The following HYDIN variants were observed in gnomAD, a reference collection of about 807,000 sequenced individuals.
HYDIN encodes the protein HYDIN axonemal central pair apparatus protein, also known as axonemal central pair apparatus protein HYDIN.
Under a neutral mutation model 403.9 loss-of-function variants are expected in HYDIN, and 132 were observed. The ratio of observed to expected loss-of-function variants is 0.33; its 90% CI spans 0.28 to 0.38. HYDIN has a LOEUF of 0.38. Among genes scored for constraint, HYDIN ranks in the 10% least tolerant of loss-of-function variants. The pLI is 1.00. For missense variants in HYDIN, 2,827 were observed against 5,009.5 expected, an observed-to-expected ratio of 0.56 and a Z score of 13.15; for synonymous variants, 1,202 against 1,891.7, an observed-to-expected ratio of 0.64 and a Z score of 9.46.
At chr16:71,190,343 G>GCA (rs2087370189) in intron 1 of HYDIN, among the ~76,000 whole-genome samples, 2 of 74,622 alleles carry the variant, frequency 2.7e-5, no homozygotes, top group East Asian at 4.8e-4. Flanking sequence ...GACAATTTGA[G>GCA]CATAAAAAAA....
At chr16:71,089,102 G>A (rs1217273860) in intron 11 of HYDIN, among the ~76,000 whole-genome samples, 1 of 146,228 alleles carries the variant, frequency 6.8e-6, no homozygotes, top group Non-Finnish European at 1.5e-5. Context: ...TGATTGTTTT[G>A]AGATTCTTAT....
At chr16:70,830,818 C>T (rs1475986342) in intron 80 of HYDIN, among the ~76,000 whole-genome samples, 4 of 152,002 alleles carry the variant, frequency 2.6e-5, no homozygotes, top group South Asian at 2.1e-4. Context: ...AGTGAGAGAT[C>T]GGGAGCTCAG....
In HYDIN at chr16:70,921,205, T is replaced by C. The variant is rs561194675; in HGVS notation, c.7171A>G (p.Thr2391Ala). ...GTCTCCATCTTGACATCCACTTTGG[T>C]GAGCGGAGGAACCTAGAAGGCATGA... ...QAANKQVPPL[T>A]KVDVKMETIE... Residue 2391 changes from threonine (T) to alanine (A), a missense_variant, in exon 46 of 86, where the codon ACC (threonine) becomes GCC (alanine). Transcript: ENST00000393567. 6.9e-7 allele frequency: 1 copy of C among 1,449,048 alleles called. No homozygotes were observed. The highest frequency in any genetic ancestry group is 2.3e-5 in the East Asian group (1 of 43,942). 89.8% of individuals were successfully genotyped at this position (1,449,048 alleles called of 1,614,324 possible). A position where few individuals can be genotyped will look rare whatever the true frequency, so the allele number is the denominator to read the frequency against.
intron 8 of HYDIN, among the ~76,000 whole-genome samples, chr16:71,135,794 T>G (rs1264894001): frequency 6.8e-6 from 1 of 147,186 alleles, no homozygotes; most frequent in Non-Finnish European, 1.5e-5. Context: ...GTGGTTTTTC[T>G]TTCCTCATTT....
At chr16:70,893,739 G>A (rs2041613666) in intron 55 of HYDIN, 1 of 151,200 alleles carries the variant, frequency 6.6e-6, no homozygotes, top group Non-Finnish European at 1.5e-5. Context: ...TGCTCAGGCT[G>A]GTCTCCAACT....
intron 84 of HYDIN, among the ~76,000 whole-genome samples, chr16:70,817,728 T>C (rs571569250): frequency 3.9e-5 from 6 of 152,080 alleles, no homozygotes; most frequent in East Asian, 1.9e-4. Context: ...TTCTATACTA[T>C]TTTATTTTAT....
At chr16:70,938,299 G>A (rs2077559065) in intron 44 of HYDIN, among the ~76,000 whole-genome samples, 1 of 152,236 alleles carries the variant, frequency 6.6e-6, no homozygotes, top group Non-Finnish European at 1.5e-5. Context: ...CTGGTCAGGG[G>A]GGGCCAGCAG....
intron 13 of HYDIN, among the ~76,000 whole-genome samples, chr16:71,076,587 A>G (rs926259015): frequency 7.7e-5 from 5 of 64,672 alleles, no homozygotes; most frequent in African/African-American, 1.1e-4. Context: ...AATTTTCTTC[A>G]CAAAAAATAT....
chr16:70,940,371 G>T (rs1190540954), intron 43 of HYDIN, among the ~76,000 whole-genome samples: 3 of 151,900 alleles, frequency 2.0e-5, no homozygotes, highest in Non-Finnish European at 2.9e-5. Context: ...TCACAGATAA[G>T]AATAATAACA....
intron 28 of HYDIN, among the ~76,000 whole-genome samples, chr16:70,982,107 G>C (rs1039027739): frequency 2.2e-5 from 3 of 134,916 alleles, no homozygotes; most frequent in African/African-American, 8.5e-5. Flanking sequence ...CAACCTGAGC[G>C]ACAGAGCAAG....
chr16:71,028,097 G>A (rs544680904), intron 19 of HYDIN, among the ~76,000 whole-genome samples: 11 of 149,780 alleles, frequency 7.3e-5, no homozygotes, highest in South Asian at 2.2e-4. Context: ...TCCACTCCCC[G>A]TAAGTCTTCC....
chr16:70,907,161 G>A (rs1320248320), intron 50 of HYDIN, among the ~76,000 whole-genome samples: 1 of 152,212 alleles, frequency 6.6e-6, no homozygotes, highest in Non-Finnish European at 1.5e-5. Context: ...ACCTCTCCTA[G>A]GCTTTCCCAT....
At chr16:71,215,007 G>C (rs1016661992) in intron 1 of HYDIN, among the ~76,000 whole-genome samples, 8 of 152,216 alleles carry the variant, frequency 5.3e-5, no homozygotes, top group African/African-American at 1.4e-4. Flanking sequence ...CCAAGTCTGG[G>C]GCAGGAAATA....
Position 70,833,881 on chromosome 16 carries a change from C to G in HYDIN, c.13679+6G>C, listed in dbSNP as rs372122774. Reference sequence around the variant, plus strand: ...AGCCTCAGGGTGGGAGACACTGCTCCCTTACCTTGCACCCACATCGCCTGT... The same window carrying G: ...AGCCTCAGGGTGGGAGACACTGCTCGCTTACCTTGCACCCACATCGCCTGT... On this transcript the variant is annotated splice_donor_region_variant and intron_variant, in intron 79 of 85. Transcript: ENST00000393567. 6.9e-4 allele frequency: 1,104 copies of G among 1,607,228 alleles called. 2 individuals are homozygous for G. The highest frequency in any genetic ancestry group is 8.6e-4 in the Non-Finnish European group (1,016 of 1,177,682).
intron 45 of HYDIN, among the ~76,000 whole-genome samples, chr16:70,932,271 C>T (rs2077365569): frequency 1.3e-5 from 2 of 151,916 alleles, no homozygotes; most frequent in African/African-American, 4.8e-5. Flanking sequence ...AGGAGAATCA[C>T]TTGAACATGG....
chr16:70,837,470 G>A (rs929547458), intron 77 of HYDIN, among the ~76,000 whole-genome samples: 2 of 152,216 alleles, frequency 1.3e-5, no homozygotes, highest in Non-Finnish European at 2.9e-5. Context: ...GTAAAGTTTG[G>A]TATTGAATAA....
chr16:70,967,888 A>G (rs2078628395), intron 36 of HYDIN, among the ~76,000 whole-genome samples: 1 of 152,202 alleles, frequency 6.6e-6, no homozygotes. Flanking sequence ...GCCTGGCTAA[A>G]TGTATATTTT....
rs559175651 is a variant in HYDIN, at chr16:71,218,800, C to A, written c.-24+11762G>T. On this transcript the variant is annotated intron_variant, in intron 1 of 85. Coordinates refer to ENST00000393567, the MANE Select transcript of HYDIN (RefSeq NM_001270974.2). Reference sequence around the variant, plus strand: ...ATTAAATCGTAATTCCCTCTAGCAGCAAAAGGATTATATCAGAAATGAAAT... The same window carrying A: ...ATTAAATCGTAATTCCCTCTAGCAGAAAAAGGATTATATCAGAAATGAAAT... 5.9e-5 allele frequency among the ~76,000 whole-genome samples: 9 copies of A among 152,278 alleles called. No homozygotes were observed. In the East Asian group the frequency reaches 1.7e-3, roughly 29 times the overall value.
chr16:71,061,722 C>T (rs1018497790), intron 17 of HYDIN, among the ~76,000 whole-genome samples: 6 of 151,616 alleles, frequency 4.0e-5, no homozygotes, highest in African/African-American at 1.5e-4. Context: ...CCAGTGATAC[C>T]CAAACCCAGC....
Sources: allele counts gnomAD v4.1 joint callset (sites outside exome capture counted in the v4.1 genomes callset), GRCh38; gene constraint gnomAD v4.1.1; transcripts MANE v1.5; gene names NCBI Gene and HGNC (gene_info 2026-07-23, HGNC 2026-07-21).